Variants in SCAI observed in about 807,000 individuals in gnomAD.
SCAI encodes the protein protein SCAI.
Under a neutral mutation model 92.2 loss-of-function variants are expected in SCAI, and 24 were observed. The ratio of observed to expected loss-of-function variants is 0.26; its 90% CI spans 0.19 to 0.37. The LOEUF is 0.37. SCAI is among the 10% of genes least tolerant of loss of function. The pLI, the probability that SCAI is intolerant of heterozygous loss-of-function variation, is 1.00. For synonymous variants in SCAI, 261 were observed against 258.6 expected (o/e 1.01, Z -0.09); for missense variants, 450 against 736.2 (o/e 0.61, Z 4.50).
Position 125,011,266 on chromosome 9 carries a change from A to G in SCAI, c.861+7533T>C, listed in dbSNP as rs576023047. Among the ~76,000 whole-genome samples the G allele has an allele frequency of 1.8e-4, 28 of 152,348 alleles. No individual in the cohort carries two copies. In the South Asian group the frequency reaches 5.4e-3, roughly 29 times the overall value. Reference sequence around the variant, plus strand: ...CAGGAGGAAATTCAAACCAAAGGCAAAGAAGTTGAAAACTTTGAAAAAAAT... The same window carrying G: ...CAGGAGGAAATTCAAACCAAAGGCAGAGAAGTTGAAAACTTTGAAAAAAAT... On this transcript the variant is annotated intron_variant, in intron 9 of 17. Coordinates refer to ENST00000336505, the MANE Select transcript of SCAI (RefSeq NM_001144877.3).
chr9:125,136,883 C>T (rs1201052734), intron 2 of SCAI, among the ~76,000 whole-genome samples: 1 of 151,734 alleles, frequency 6.6e-6, no homozygotes, highest in African/African-American at 2.4e-5. Context: ...GCCTCAGCCT[C>T]GCAAGTAACT....
chr9:125,006,928 G>T (rs1400450382), intron 9 of SCAI, among the ~76,000 whole-genome samples: 1 of 151,836 alleles, frequency 6.6e-6, no homozygotes. Context: ...AGACGAGCCT[G>T]GCCAACATGG....
At position 125,003,588 on chromosome 9, in the gene SCAI, A is replaced by G. The variant is rs77084567; in HGVS notation, c.862-18T>C. 1.3e-6 allele frequency: 2 copies of G among 1,492,398 alleles called. No homozygotes were observed. The highest frequency in any genetic ancestry group is 1.2e-5 in the South Asian group (1 of 86,494). The allele number at this position is 1,492,398 out of a possible 1,614,324, so 92.4% of individuals were successfully genotyped here. A position where few individuals can be genotyped will look rare whatever the true frequency, so the allele number is the denominator to read the frequency against. ...AACTTAACCTGCAAGAAAAAAAAAA[A>G]CAAACACAACCTAGCCTTAATGCAA... is the stretch of plus-strand genomic sequence containing the variant. On this transcript the variant is annotated intron_variant, in intron 9 of 17. Coordinates refer to ENST00000336505, the MANE Select transcript of SCAI (RefSeq NM_001144877.3).
chr9:124,985,496 A>C (rs1167186703), intron 14 of SCAI, among the ~76,000 whole-genome samples: 1 of 152,182 alleles, frequency 6.6e-6, no homozygotes, highest in Non-Finnish European at 1.5e-5. Flanking sequence ...GAAGAAACAT[A>C]GTCAAAAATA....
intron 2 of SCAI, among the ~76,000 whole-genome samples, chr9:125,125,241 T>A (rs10986575): frequency 0.43 from 65,592 of 151,294 alleles, 14,556 homozygotes; most frequent in East Asian, 0.53. Context: ...AAATTAAATT[T>A]AAAAATGAAG....
chr9:125,100,230 A>G (rs1036474141), intron 2 of SCAI, among the ~76,000 whole-genome samples: 45 of 152,238 alleles, frequency 3.0e-4, no homozygotes, highest in African/African-American at 9.9e-4. Flanking sequence ...CTTGCAACAT[A>G]TATGTCAGAA....
chr9:125,007,050 C>G (rs908769178), intron 9 of SCAI, among the ~76,000 whole-genome samples: 1 of 152,012 alleles, frequency 6.6e-6, no homozygotes, highest in Non-Finnish European at 1.5e-5. Flanking sequence ...ACCAGGGAGG[C>G]AGAAGATGCA....
rs764105928 is a variant in SCAI at position 125,055,872 on chromosome 9, T to G, written c.230+4A>C. The G allele has an allele frequency of 1.9e-6, 3 of 1,589,746 alleles. No homozygotes were observed. The highest frequency in any genetic ancestry group is 3.4e-4 in the Middle Eastern group (2 of 5,946). On this transcript the variant is annotated splice_donor_region_variant and intron_variant, in intron 3 of 17. Transcript: ENST00000336505. The stretch of plus-strand genomic sequence containing the variant: ...AAAGTTCAAAACACCAAGAGTCCAC[T>G]CACCTTAACCCATTGAACAGTTGCT...
At chr9:125,108,646 G>A (rs1339259259) in intron 2 of SCAI, among the ~76,000 whole-genome samples, 3 of 143,724 alleles carry the variant, frequency 2.1e-5, no homozygotes, top group African/African-American at 2.6e-5. Context: ...CAGCCGCCCC[G>A]TCTGAGAAGT....
chr9:124,984,624 A>G (rs921477707), intron 14 of SCAI, among the ~76,000 whole-genome samples: 3 of 152,222 alleles, frequency 2.0e-5, no homozygotes, highest in African/African-American at 7.2e-5. Flanking sequence ...GGGCAACTAT[A>G]ATAGCATAGT....
chr9:125,120,109 T>C (rs1835129337), intron 2 of SCAI, among the ~76,000 whole-genome samples: 1 of 152,118 alleles, frequency 6.6e-6, no homozygotes, highest in South Asian at 2.1e-4. Flanking sequence ...CACCACTAGA[T>C]GGGAGGAGTG....
At chr9:125,066,959 G>A (rs907284282) in intron 2 of SCAI, among the ~76,000 whole-genome samples, 2 of 152,168 alleles carry the variant, frequency 1.3e-5, no homozygotes, top group Non-Finnish European at 2.9e-5. Context: ...GCCTAGGTAT[G>A]TAGGAAGCCT....
intron 2 of SCAI, among the ~76,000 whole-genome samples, chr9:125,072,591 T>C (rs1349141230): frequency 3.9e-5 from 6 of 152,198 alleles, no homozygotes; most frequent in South Asian, 2.1e-4. Context: ...TTCAGTGGTA[T>C]TGAATACATC....
chr9:125,066,073 GA>G (rs746830994), intron 2 of SCAI: 8 of 716,306 alleles, frequency 1.1e-5, no homozygotes, highest in Non-Finnish European at 1.8e-5. Flanking sequence ...ATTGAATAAA[GA>G]AAAAAAGAAA....
At chr9:125,029,610 C>A in intron 4 of SCAI, 34 bp downstream of exon 4, 1 of 1,275,632 alleles carries the variant, frequency 7.8e-7, no homozygotes, top group Admixed American at 1.8e-5. Context: ...ACAAAACAGG[C>A]CTTCACTCTC....
intron 3 of SCAI, among the ~76,000 whole-genome samples, chr9:125,031,025 G>A (rs186589177): frequency 1.3e-5 from 2 of 151,850 alleles, no homozygotes; most frequent in African/African-American, 2.4e-5. Context: ...ATTAAAGTCT[G>A]TGAATAGATG....
At chr9:124,968,307 C>T (rs528891651) in intron 17 of SCAI, 215 of 1,211,438 alleles carry the variant, frequency 1.8e-4, no homozygotes, top group Non-Finnish European at 2.5e-4. Flanking sequence ...AGCGTCTTCT[C>T]CAGAATAGGC....
intron 4 of SCAI, among the ~76,000 whole-genome samples, chr9:125,029,413 T>C (rs2131087934): frequency 6.6e-6 from 1 of 152,306 alleles, no homozygotes; most frequent in Middle Eastern, 3.4e-3. Context: ...TGAGCCACCA[T>C]GCCTGGCCAT....
intron 2 of SCAI, among the ~76,000 whole-genome samples, chr9:125,088,705 T>TG (rs1794549930): frequency 6.6e-6 from 1 of 152,198 alleles, no homozygotes; most frequent in African/African-American, 2.4e-5. Context: ...CTTGAACTCA[T>TG]GGGCTCAAGC....
Sources: gnomAD v4.1 joint callset for allele counts (sites outside exome capture counted in the v4.1 genomes callset) on GRCh38, gnomAD v4.1.1 for gene constraint, MANE v1.5 for transcripts, NCBI Gene and HGNC (gene_info 2026-07-23, HGNC 2026-07-21) for gene names.